Variants in FARP1 observed in about 807,000 individuals in gnomAD.
The protein encoded by FARP1 is FERM, ARH/RhoGEF and pleckstrin domain protein 1, also known as FERM, ARHGEF and pleckstrin domain-containing protein 1.
A neutral mutation model predicts 128.8 loss-of-function variants in FARP1; 52 were observed. The observed-to-expected ratio is 0.40, with a 90% CI of 0.32 to 0.51. FARP1 has a LOEUF of 0.51. Ranked by LOEUF, FARP1 falls within the 20% of genes least tolerant of loss-of-function variation. The pLI is 0.45. For missense variants in FARP1, 1,333 were observed against 1,367.9 expected (o/e 0.97, Z 0.40); for synonymous variants, 580 against 551.8 (o/e 1.05, Z -0.72).
intron 2 of FARP1, among the ~76,000 whole-genome samples, chr13:98,281,956 T>G (rs1884956129): frequency 6.6e-6 from 1 of 152,194 alleles, no homozygotes; most frequent in South Asian, 2.1e-4. Context: ...AATGCATCAC[T>G]TGGCAGAAAT....
chr13:98,370,962 G>A (rs1889299844), intron 5 of FARP1, among the ~76,000 whole-genome samples: 2 of 152,186 alleles, frequency 1.3e-5, no homozygotes, highest in Admixed American at 6.5e-5. Context: ...AGGGCTGGCT[G>A]ATGACAGGAG....
chr13:98,239,707 T>A (rs1229748716), intron 2 of FARP1, among the ~76,000 whole-genome samples: 2 of 151,490 alleles, frequency 1.3e-5, no homozygotes, highest in African/African-American at 4.9e-5. Context: ...GGCCACTGAG[T>A]GGCGGGTGGC....
At chr13:98,288,048 C>T (rs1408349047) in intron 2 of FARP1, among the ~76,000 whole-genome samples, 5 of 152,072 alleles carry the variant, frequency 3.3e-5, no homozygotes, top group African/African-American at 4.8e-5. Context: ...GATCCGCCCA[C>T]GTCGGCCTCC....
intron 2 of FARP1, among the ~76,000 whole-genome samples, chr13:98,281,285 G>C (rs555893032): frequency 6.6e-6 from 1 of 152,226 alleles, no homozygotes; most frequent in South Asian, 2.1e-4. Flanking sequence ...CCCAGGAGGC[G>C]GAGGTTGCAG....
intron 2 of FARP1, among the ~76,000 whole-genome samples, chr13:98,265,890 C>T (rs1297648121): frequency 6.6e-6 from 1 of 152,130 alleles, no homozygotes; most frequent in Non-Finnish European, 1.5e-5. Context: ...ATATGTCAAG[C>T]TGCATGTCAG....
chr13:98,318,058 TCTC>T (rs1289664428), intron 2 of FARP1, among the ~76,000 whole-genome samples: 1 of 145,630 alleles, frequency 6.9e-6, no homozygotes, highest in Non-Finnish European at 1.5e-5. Context: ...CTTCCTTCCT[TCTC>T]CTCCTCCTTT....
intron 1 of FARP1, among the ~76,000 whole-genome samples, chr13:98,170,712 G>A (rs540943756): frequency 6.0e-5 from 9 of 150,188 alleles, no homozygotes; most frequent in African/African-American, 2.0e-4. Context: ...GGCTGGTCTC[G>A]AACTCCTGAT....
chr13:98,150,322 C>T (rs1293077190), intron 1 of FARP1, among the ~76,000 whole-genome samples: 7 of 152,172 alleles, frequency 4.6e-5, no homozygotes, highest in Non-Finnish European at 4.4e-5. Context: ...TGAGTCACTG[C>T]GTCCGGCAGA....
At chr13:98,196,100 CTCCTGAGGCA>C (rs1479397322) in intron 1 of FARP1, among the ~76,000 whole-genome samples, 1 of 152,168 alleles carries the variant, frequency 6.6e-6, no homozygotes, top group Non-Finnish European at 1.5e-5. Flanking sequence ...GATAGGTTTT[CTCCTGAGGCA>C]TCCTCAGTAG....
intron 1 of FARP1, among the ~76,000 whole-genome samples, chr13:98,167,437 TCTCA>T (rs971573474): frequency 2.1e-5 from 3 of 142,458 alleles, no homozygotes; most frequent in Non-Finnish European, 3.0e-5. Context: ...ACAGTCTCAC[TCTCA>T]CTCTGTCACC....
At chr13:98,414,240 TACAG>T (rs1023937920) in intron 16 of FARP1, among the ~76,000 whole-genome samples, 36 of 152,204 alleles carry the variant, frequency 2.4e-4, no homozygotes, top group Admixed American at 2.3e-3. Context: ...ACCCATGTTT[TACAG>T]AAAGACATCA....
At chr13:98,319,426 C>T (rs7335809) in intron 2 of FARP1, among the ~76,000 whole-genome samples, 1,675 of 152,272 alleles carry the variant, frequency 0.011, 45 homozygotes, top group African/African-American at 0.038. Context: ...CGAGACCATC[C>T]TCGCTAACAT....
intron 21 of FARP1, 57 bp from the exon 22 acceptor site, chr13:98,439,904 G>T: frequency 7.9e-7 from 1 of 1,261,648 alleles, no homozygotes; most frequent in Non-Finnish European, 1.1e-6. Context: ...GCCAGCTCAG[G>T]GATGTTTGGA....
intron 2 of FARP1, among the ~76,000 whole-genome samples, chr13:98,322,843 G>A (rs377355927): frequency 1.1e-4 from 16 of 152,108 alleles, no homozygotes; most frequent in East Asian, 3.8e-4. Flanking sequence ...TATATACCAC[G>A]CATACATGCA....
chr13:98,420,489 G>A (rs1280086357), intron 16 of FARP1, among the ~76,000 whole-genome samples: 1 of 152,162 alleles, frequency 6.6e-6, no homozygotes, highest in African/African-American at 2.4e-5. Flanking sequence ...GTTTTGATAC[G>A]AGGTCAGGAA....
chr13:98,362,071 C>T (rs942134387), intron 3 of FARP1, among the ~76,000 whole-genome samples: 2 of 152,174 alleles, frequency 1.3e-5, no homozygotes, highest in African/African-American at 2.4e-5. Context: ...CGAGACCAGC[C>T]TGGGCAACAT....
chr13:98,272,005 C>T (rs565809273), intron 2 of FARP1, among the ~76,000 whole-genome samples: 3 of 152,108 alleles, frequency 2.0e-5, no homozygotes, highest in East Asian at 1.9e-4. Context: ...CTTGAGGAAT[C>T]GCCATACTGT....
chr13:98,379,199 A>C (rs557712010), intron 6 of FARP1, among the ~76,000 whole-genome samples: 909 of 58,026 alleles, frequency 0.016, 111 homozygotes, highest in African/African-American at 0.027. Context: ...AATATATAAT[A>C]TATATATAAT....
At chr13:98,193,062 T>TC (rs1276737208) in intron 1 of FARP1, among the ~76,000 whole-genome samples, 1 of 150,494 alleles carries the variant, frequency 6.6e-6, no homozygotes, top group East Asian at 2.0e-4. Context: ...AGACTGTTCT[T>TC]TTTTTTTTTT....
Sources: gnomAD v4.1 joint callset for allele counts (sites outside exome capture counted in the v4.1 genomes callset) on GRCh38, gnomAD v4.1.1 for gene constraint, MANE v1.5 for transcripts, NCBI Gene and HGNC (gene_info 2026-07-23, HGNC 2026-07-21) for gene names.